The following PLEKHM2 variants were observed in gnomAD, a reference collection of about 807,000 sequenced individuals.
PLEKHM2 encodes pleckstrin homology domain-containing family M member 2.
A neutral mutation model predicts 116.3 loss-of-function variants in PLEKHM2; 77 were observed. That is an observed-to-expected ratio of 0.66 (90% CI 0.55 to 0.80). The LOEUF is 0.80. Among genes scored for constraint, PLEKHM2 ranks in the 30% least tolerant of loss-of-function variants. The probability of loss-of-function intolerance (pLI) is 0.00; values close to 1 mark genes in which losing one functional copy is unlikely to be tolerated. For missense variants in PLEKHM2, 1,183 were observed against 1,354.9 expected, an observed-to-expected ratio of 0.87 and a Z score of 1.99; for synonymous variants, 562 against 571.0, an observed-to-expected ratio of 0.98 and a Z score of 0.22.
chr1:15,709,509 G>T (rs1641286199), intron 1 of PLEKHM2, among the ~76,000 whole-genome samples: 2 of 152,092 alleles, frequency 1.3e-5, no homozygotes, highest in South Asian at 4.1e-4. Flanking sequence ...TACTGTATTG[G>T]ACAGCTCAGG....
intron 1 of PLEKHM2, among the ~76,000 whole-genome samples, chr1:15,698,063 T>G (rs914053316): frequency 4.6e-5 from 7 of 152,064 alleles, no homozygotes; most frequent in African/African-American, 2.4e-5. Flanking sequence ...GGATAAACCC[T>G]TTATGACAGC....
intron 7 of PLEKHM2, among the ~76,000 whole-genome samples, chr1:15,724,270 G>T (rs1167619660): frequency 1.3e-5 from 2 of 152,168 alleles, no homozygotes; most frequent in African/African-American, 4.8e-5. Flanking sequence ...AGATCACGAG[G>T]TCAGGAGATC....
At position 15,732,696 on chromosome 1, in the gene PLEKHM2, G is replaced by C. The variant is rs1571076902; in HGVS notation, c.2890G>C (p.Ala964Pro). 6.2e-7 allele frequency: 1 copy of C among 1,610,020 alleles called. No individual in the cohort carries two copies. The stretch of plus-strand genomic sequence containing the variant: ...TTCTGAACTGGACCGATTGCTGTCT[G>C]CACTGAACTCTGGGTGGAAAACCAT... Reference protein sequence around the residue: ...CTSELDRLLSALNSGWKTIYQ... With the variant: ...CTSELDRLLSPLNSGWKTIYQ... Residue 964 changes from alanine to proline, a missense_variant, in exon 19 of 20, where the codon GCA (alanine) becomes CCA (proline). By Grantham distance (27) the Ala-to-Pro change is conservative. Coordinates refer to ENST00000375799, the MANE Select transcript of PLEKHM2 (RefSeq NM_015164.4).
At chr1:15,683,883 T>G (rs1289011766), upstream of PLEKHM2, among the ~76,000 whole-genome samples, 1 of 139,116 alleles carries the variant, frequency 7.2e-6, no homozygotes, top group African/African-American at 2.8e-5. Flanking sequence ...TCTGAGGGTG[T>G]CTCTGGGGTC....
intron 16 of PLEKHM2, among the ~76,000 whole-genome samples, chr1:15,731,583 G>A (rs1467236571): frequency 1.3e-5 from 2 of 152,198 alleles, no homozygotes; most frequent in Non-Finnish European, 2.9e-5. Context: ...AAGCATGCGT[G>A]AATGAATGCG....
At chr1:15,707,269 C>CAAA (rs34649127) in intron 1 of PLEKHM2, among the ~76,000 whole-genome samples, 41 of 138,462 alleles carry the variant, frequency 3.0e-4, no homozygotes, top group African/African-American at 1.0e-3. Context: ...AAAAAAAATA[C>CAAA]AAAAAAAAAA....
intron 1 of PLEKHM2, among the ~76,000 whole-genome samples, chr1:15,701,206 T>C (rs2148341063): frequency 6.7e-6 from 1 of 149,066 alleles, no homozygotes; most frequent in Middle Eastern, 3.6e-3. Context: ...CCGAGGTAGG[T>C]GGATCACCTG....
At position 15,728,938 on chromosome 1, in the gene PLEKHM2, C is replaced by T. The variant is rs570682663; in HGVS notation, c.1987-164C>T. Among the ~76,000 whole-genome samples, 3 of 152,320 alleles carry T rather than the reference C, an allele frequency of 2.0e-5. No homozygotes were observed. Among genetic ancestry groups the T allele is most frequent in the South Asian group, 4.1e-4 (2 of 4,830 alleles). ...CCTCTTCCCGTGCTAGACTTCTGAC[C>T]GTCCCTCCCTCACTCATGCCAGCCC... On this transcript the variant is annotated intron_variant, in intron 12 of 19. Coordinates refer to ENST00000375799, the MANE Select transcript of PLEKHM2 (RefSeq NM_015164.4). This position sits in a 1 kb window ranked among gnomAD's most constrained non-coding sequence, Gnocchi z 5.9.
intron 1 of PLEKHM2, among the ~76,000 whole-genome samples, chr1:15,688,047 C>T (rs1640808080): frequency 6.6e-6 from 1 of 152,094 alleles, no homozygotes; most frequent in African/African-American, 2.4e-5. Flanking sequence ...AATGAGTTCT[C>T]ACAAAGTGAA....
chr1:15,699,300 G>A (rs542504490), intron 1 of PLEKHM2, among the ~76,000 whole-genome samples: 182 of 152,110 alleles, frequency 1.2e-3, no homozygotes, highest in African/African-American at 4.2e-3. Flanking sequence ...CCATTAACTC[G>A]TCATTTACAT....
chr1:15,722,829 G>GT (rs151193109), intron 7 of PLEKHM2: 1,622 of 150,974 alleles, frequency 0.011, 28 homozygotes, highest in African/African-American at 0.034. Context: ...GCTGGATATT[G>GT]TTTTTTTTTC....
At chr1:15,699,292 A>G (rs976128969) in intron 1 of PLEKHM2, among the ~76,000 whole-genome samples, 4 of 152,130 alleles carry the variant, frequency 2.6e-5, no homozygotes, top group African/African-American at 9.7e-5. Flanking sequence ...TGCTGCACCC[A>G]TTAACTCGTC....
At chr1:15,725,014 GC>G (rs1571062185) in intron 7 of PLEKHM2, among the ~76,000 whole-genome samples, 1 of 152,306 alleles carries the variant, frequency 6.6e-6, no homozygotes, top group East Asian at 1.9e-4. Flanking sequence ...TGGGACTTAA[GC>G]CTGGAGCTTG....
At chr1:15,694,288 G>A (rs137933719) in intron 1 of PLEKHM2, among the ~76,000 whole-genome samples, 2 of 152,074 alleles carry the variant, frequency 1.3e-5, no homozygotes, top group East Asian at 1.9e-4. Context: ...GGTGGAGGTC[G>A]CAGTGAGCCA....
At chr1:15,714,546 C>G (rs1349653041) in intron 1 of PLEKHM2, among the ~76,000 whole-genome samples, 1 of 152,112 alleles carries the variant, frequency 6.6e-6, no homozygotes, top group African/African-American at 2.4e-5. Context: ...GAAGACCCTG[C>G]AGGACTGAGG....
chr1:15,686,809 C>T (rs199783694), intron 1 of PLEKHM2, among the ~76,000 whole-genome samples: 16 of 152,160 alleles, frequency 1.1e-4, no homozygotes, highest in East Asian at 7.8e-4. Context: ...CCACCACGCC[C>T]GGCTAATTTT....
chr1:15,732,541 G>T lies in PLEKHM2; in HGVS notation c.2805+12G>T. ...AGTACTGCGTCTTGGTGAGCTTTGA[G>T]TGGGGGCGGGGCTGCAAGGCCTGCA... On this transcript the variant is annotated intron_variant, in intron 18 of 19. Transcript: ENST00000375799. The T allele has an allele frequency of 6.2e-7, 1 of 1,608,468 alleles. No individual in the cohort carries two copies. The highest frequency in any genetic ancestry group is 8.5e-7 in the Non-Finnish European group (1 of 1,177,600).
At position 15,712,839 on chromosome 1, in the gene PLEKHM2, C is replaced by T. The variant is rs191168827; in HGVS notation, c.61-3398C>T. 6.5e-3 allele frequency among the ~76,000 whole-genome samples: 985 copies of T among 151,010 alleles called. 10 individuals carry two copies. Among genetic ancestry groups the T allele is most frequent in the Non-Finnish European group, 8.6e-3 (580 of 67,646 alleles). Reference sequence around the variant, plus strand: ...CTAGCTTATTTTTATTTTTATTTTTCGCCCCTGCTGGAGTGCAGTGGTGCA... The same window carrying T: ...CTAGCTTATTTTTATTTTTATTTTTTGCCCCTGCTGGAGTGCAGTGGTGCA... On this transcript the variant is annotated intron_variant, in intron 1 of 19. Coordinates refer to ENST00000375799, the MANE Select transcript of PLEKHM2 (RefSeq NM_015164.4).
chr1:15,730,256 C>A (rs1482458206), intron 14 of PLEKHM2, among the ~76,000 whole-genome samples: 2 of 152,228 alleles, frequency 1.3e-5, no homozygotes, highest in Admixed American at 6.5e-5. Flanking sequence ...GCCTCGCCAA[C>A]ATGGCAAAAC....
Sources: allele counts gnomAD v4.1 joint callset (sites outside exome capture counted in the v4.1 genomes callset), GRCh38; gene constraint gnomAD v4.1.1; non-coding constraint Gnocchi (gnomAD v3.1); transcripts MANE v1.5; gene names NCBI Gene and HGNC (gene_info 2026-07-23, HGNC 2026-07-21).